The following ANKRD30A variants were observed in gnomAD, a reference collection of about 807,000 sequenced individuals.
The protein encoded by ANKRD30A is ankyrin repeat domain 30A, also known as ankyrin repeat domain-containing protein 30A.
ANKRD30A carries 170 observed loss-of-function variants against 166.3 expected under a neutral mutation model. The ratio of observed to expected loss-of-function variants is 1.02; its 90% CI spans 0.90 to 1.16. The LOEUF is 1.16. ANKRD30A is among the 50% of genes most tolerant of loss of function. ANKRD30A has a pLI of 0.00. For missense variants in ANKRD30A, 1,630 were observed against 1,518.0 expected, an observed-to-expected ratio of 1.07 and a Z score of -1.23; for synonymous variants, 564 against 508.9, an observed-to-expected ratio of 1.11 and a Z score of -1.46.
At chr10:37,255,258 G>A in the ANKRD30A span, among the ~76,000 whole-genome samples, 9 of 152,100 alleles carry the variant, frequency 5.9e-5, no homozygotes, top group Admixed American at 5.9e-4. Context: ...ATAAGACACT[G>A]GAGACCCAGA....
chr10:37,154,501 T>A (rs1161994921), intron 13 of ANKRD30A, among the ~76,000 whole-genome samples: 7 of 151,962 alleles, frequency 4.6e-5, no homozygotes, highest in Non-Finnish European at 1.0e-4. Flanking sequence ...GAGAGAGCAG[T>A]ATGGTGTTCT....
At chr10:37,211,389 T>C (rs1842306496) in intron 31 of ANKRD30A, among the ~76,000 whole-genome samples, 3 of 152,030 alleles carry the variant, frequency 2.0e-5, no homozygotes, top group South Asian at 4.1e-4. Flanking sequence ...TGGTGTTTGG[T>C]TTTCTGTTCT....
intron 9 of ANKRD30A, among the ~76,000 whole-genome samples, chr10:37,149,383 A>G (rs1218728403): frequency 6.6e-6 from 1 of 151,978 alleles, no homozygotes; most frequent in East Asian, 1.9e-4. Flanking sequence ...TTTGACATTT[A>G]TTTTCTCATA....
At chr10:37,160,957 T>C (rs1838805066) in intron 15 of ANKRD30A, among the ~76,000 whole-genome samples, 1 of 152,098 alleles carries the variant, frequency 6.6e-6, no homozygotes, top group Admixed American at 6.6e-5. Flanking sequence ...TACACATATT[T>C]ATTTTAAAAA....
the ANKRD30A span, among the ~76,000 whole-genome samples, chr10:37,260,865 T>C: frequency 6.6e-6 from 1 of 151,888 alleles, no homozygotes; most frequent in African/African-American, 2.4e-5. Context: ...CATGTACATA[T>C]AGATGGGAAC....
chr10:37,232,906 A>T (rs1489831013), downstream of ANKRD30A, among the ~76,000 whole-genome samples: 2 of 149,256 alleles, frequency 1.3e-5, no homozygotes, highest in African/African-American at 4.9e-5. Flanking sequence ...AAAAAAAAAA[A>T]ACAAAATAAA....
In ANKRD30A at chr10:37,149,665, C is replaced by A; in HGVS notation, c.1558C>A (p.Pro520Thr). 2 of 1,612,300 alleles carry A rather than the reference C, an allele frequency of 1.2e-6. No homozygotes were observed. Among genetic ancestry groups the A allele is most frequent in the Non-Finnish European group, 1.7e-6 (2 of 1,178,728 alleles). The part of the protein sequence containing the change: ...NREVEEPPKK[P>T]SAFKPAIEMQ... ...TTGCTTTTTAGAGCCTCCTAAGAAG[C>A]CATCTGCCTTCAAGGTATTTAGTTT... The change falls in exon 10 of 36, where the codon CCA becomes ACA. Residue 520 changes from proline (P) to threonine (T), a missense_variant. Pro to Thr is a conservative substitution (Grantham distance 38). Transcript: ENST00000361713.
chr10:37,255,997 T>A, the ANKRD30A span, among the ~76,000 whole-genome samples: 1 of 152,216 alleles, frequency 6.6e-6, no homozygotes, highest in Non-Finnish European at 1.5e-5. Context: ...GGACTGTGTG[T>A]ATTCTCGTTT....
At chr10:37,184,021 A>G (rs1381606709) in intron 24 of ANKRD30A, among the ~76,000 whole-genome samples, 2 of 151,736 alleles carry the variant, frequency 1.3e-5, no homozygotes, top group Non-Finnish European at 2.9e-5. Flanking sequence ...GGTGGCACGC[A>G]TTTCTAATAA....
the ANKRD30A span, among the ~76,000 whole-genome samples, chr10:37,239,975 G>A: frequency 6.6e-6 from 1 of 151,946 alleles, no homozygotes; most frequent in East Asian, 1.9e-4. Context: ...CACTAGAACA[G>A]GAGAAAGGTA....
intron 31 of ANKRD30A, among the ~76,000 whole-genome samples, chr10:37,210,588 G>A (rs1341969944): frequency 1.3e-5 from 2 of 152,116 alleles, no homozygotes; most frequent in African/African-American, 2.4e-5. Context: ...CACCAACAGT[G>A]TAAAAACGAT....
intron 1 of ANKRD30A, among the ~76,000 whole-genome samples, chr10:37,126,216 G>A (rs1254023664): frequency 1.3e-5 from 2 of 152,168 alleles, no homozygotes; most frequent in Non-Finnish European, 2.9e-5. Flanking sequence ...CTGCAGGGCG[G>A]AGGGCCCATG....
intron 24 of ANKRD30A, among the ~76,000 whole-genome samples, chr10:37,179,488 ACAT>A (rs1375852647): frequency 6.6e-6 from 1 of 150,596 alleles, no homozygotes; most frequent in African/African-American, 2.4e-5. Flanking sequence ...TACTATTCCT[ACAT>A]TATGGGAATG....
At chr10:37,229,693 TG>T (rs1423211732) in intron 34 of ANKRD30A, among the ~76,000 whole-genome samples, 1 of 152,008 alleles carries the variant, frequency 6.6e-6, no homozygotes, top group Admixed American at 6.6e-5. Flanking sequence ...AATTGCTTTC[TG>T]AATCACTGAC....
chr10:37,191,040 ATTG>A (rs1253581781), intron 25 of ANKRD30A, among the ~76,000 whole-genome samples: 1 of 151,862 alleles, frequency 6.6e-6, no homozygotes, highest in African/African-American at 2.4e-5. Flanking sequence ...GAATACCTAA[ATTG>A]TTGTTATTCG....
At chr10:37,265,621 G>A in the ANKRD30A span, among the ~76,000 whole-genome samples, 1 of 152,212 alleles carries the variant, frequency 6.6e-6, no homozygotes, top group Non-Finnish European at 1.5e-5. Flanking sequence ...AGGCCAGTTT[G>A]CACAACCTTA....
At chr10:37,205,734 AT>A (rs1564568662) in intron 31 of ANKRD30A, among the ~76,000 whole-genome samples, 1 of 152,206 alleles carries the variant, frequency 6.6e-6, no homozygotes, top group African/African-American at 2.4e-5. Flanking sequence ...ACATGTATAT[AT>A]TTTTTCAGTA....
the ANKRD30A span, among the ~76,000 whole-genome samples, chr10:37,259,343 G>A: frequency 6.6e-6 from 1 of 152,170 alleles, no homozygotes; most frequent in Non-Finnish European, 1.5e-5. Context: ...GACCAGTCTG[G>A]TCAAAATAAA....
In ANKRD30A at chr10:37,138,454, A is replaced by G. The variant is rs553418719; in HGVS notation, c.820+1783A>G. On this transcript the variant is annotated intron_variant, in intron 6 of 35. Transcript: ENST00000361713. ...GAGCTAAAGGAGGAAGTTCGAACCC[A>G]TGGCAAAGAAGTTAAAAACCTTGAA... Among the ~76,000 whole-genome samples, 46 of 152,276 alleles carry G rather than the reference A, an allele frequency of 3.0e-4. No homozygotes were observed. The South Asian group carries it at 9.3e-3, about 31-fold the overall frequency.
Sources: gnomAD v4.1 joint callset for allele counts (sites outside exome capture counted in the v4.1 genomes callset) on GRCh38, gnomAD v4.1.1 for gene constraint, MANE v1.5 for transcripts, NCBI Gene and HGNC (gene_info 2026-07-23, HGNC 2026-07-21) for gene names.